The following ZHX2 variants were observed in gnomAD, a reference collection of about 807,000 sequenced individuals.
ZHX2 encodes zinc fingers and homeoboxes protein 2.
ZHX2 carries 6 observed loss-of-function variants against 21.9 expected under a neutral mutation model. That is an observed-to-expected ratio of 0.27 (90% confidence interval 0.15 to 0.54). The LOEUF (loss-of-function observed/expected upper bound fraction) is 0.54. Among genes scored for constraint, ZHX2 ranks in the 20% least tolerant of loss-of-function variants. The probability of loss-of-function intolerance (pLI) is 0.95; values close to 1 mark genes in which losing one functional copy is unlikely to be tolerated. For missense variants in ZHX2, 908 were observed against 1,090.7 expected (o/e 0.83, Z 2.36); for synonymous variants, 434 against 437.1 (o/e 0.99, Z 0.09).
In ZHX2 at chr8:122,952,757, C is replaced by A. The variant is rs1563602715; in HGVS notation, c.1247C>A (p.Pro416His). 3.1e-6 allele frequency: 5 copies of A among 1,614,136 alleles called. No individual in the cohort carries two copies. Among genetic ancestry groups the A allele is most frequent in the East Asian group, 4.5e-5 (2 of 44,872 alleles). ...KRPLVTPQAA[P>H]EPKRPHIAQV... is the part of the protein sequence containing the mutation. ...CCCTTGGTGACTCCCCAAGCTGCCC[C>A]CGAACCCAAGCGTCCACACATCGCT... Residue 416 changes from proline (P) to histidine (H), a missense_variant, in exon 3 of 4, where the codon CCC (proline) becomes CAC (histidine). Around this residue, in one of 4 missense-constraint regions of ZHX2, gnomAD observed 232 missense variants for 361.8 expected, o/e 0.64. Coordinates refer to ENST00000314393, the MANE Select transcript of ZHX2 (RefSeq NM_014943.5). The surrounding 1 kb of genome is among the most constrained non-coding windows in gnomAD (Gnocchi z 6.9).
At chr8:122,908,455 C>T (rs770152897) in intron 2 of ZHX2, among the ~76,000 whole-genome samples, 3 of 152,132 alleles carry the variant, frequency 2.0e-5, no homozygotes, top group African/African-American at 7.2e-5. Context: ...GATGTTCCAC[C>T]CACCTCGGCC....
In ZHX2 at chr8:122,934,639, C is replaced by T. The variant is rs1157159351; in HGVS notation, c.-219-16653C>T. Among the ~76,000 whole-genome samples, 28 of 143,518 alleles carry T rather than the reference C, an allele frequency of 2.0e-4. 1 individual carries two copies. Among genetic ancestry groups the T allele is most frequent in the Non-Finnish European group, 3.6e-4 (23 of 64,064 alleles). The allele number at this position is 143,518 out of a possible 152,430, so 94.2% of individuals were successfully genotyped here. On this transcript the variant is annotated intron_variant, in intron 2 of 3. Transcript: ENST00000314393. ...CCTTCCTTCTTTCCTTCCTTCCTTCCTTCCTTCCTTCTTTATTACCTTCCT... is the reference window on the plus strand; with the variant it reads ...CCTTCCTTCTTTCCTTCCTTCCTTCTTTCCTTCCTTCTTTATTACCTTCCT...
chr8:122,957,624 T>C (rs1454235180), intron 3 of ZHX2, among the ~76,000 whole-genome samples: 4 of 152,132 alleles, frequency 2.6e-5, no homozygotes, highest in Non-Finnish European at 4.4e-5. Context: ...CGTGCCACCA[T>C]ACCCAGCTAA....
intron 2 of ZHX2, among the ~76,000 whole-genome samples, chr8:122,917,162 GTT>G (rs770985723): frequency 6.6e-6 from 1 of 152,128 alleles, no homozygotes; most frequent in African/African-American, 2.4e-5. Context: ...TGTGCAGGAG[GTT>G]TTGTCTCCAC....
intron 1 of ZHX2, among the ~76,000 whole-genome samples, chr8:122,831,302 T>C (rs1443560315): frequency 6.6e-6 from 1 of 152,062 alleles, no homozygotes; most frequent in Non-Finnish European, 1.5e-5. Context: ...GAGGGAGCCC[T>C]GGGATGACAC....
rs183833508 is a variant in ZHX2, at chr8:122,869,096, C to G, written c.-220+5557C>G. On this transcript the variant is annotated intron_variant, in intron 2 of 3. Coordinates refer to ENST00000314393, the MANE Select transcript of ZHX2 (RefSeq NM_014943.5). ...AACCTGGTGAGCTGGGCTGCACAAC[C>G]CTCCTCTTCTCTCTTGTCCTCTCCC... 2.2e-3 allele frequency among the ~76,000 whole-genome samples: 335 copies of G among 152,256 alleles called. 1 individual carries two copies. Among genetic ancestry groups the G allele is most frequent in the South Asian group, 6.2e-3 (30 of 4,814 alleles).
At chr8:122,799,334 A>G (rs1378707281) in intron 1 of ZHX2, among the ~76,000 whole-genome samples, 2 of 152,142 alleles carry the variant, frequency 1.3e-5, no homozygotes, top group Non-Finnish European at 1.5e-5. Flanking sequence ...CACATACAAG[A>G]TCAAATGCTA....
intron 1 of ZHX2, among the ~76,000 whole-genome samples, chr8:122,833,226 C>T (rs73331791): frequency 0.088 from 13,464 of 152,142 alleles, 642 homozygotes; most frequent in South Asian, 0.15. Context: ...CTGGACATAC[C>T]GGGAGTACAG....
At chr8:122,812,925 G>A (rs953022081) in intron 1 of ZHX2, among the ~76,000 whole-genome samples, 3 of 152,218 alleles carry the variant, frequency 2.0e-5, no homozygotes, top group Non-Finnish European at 2.9e-5. Context: ...GCCAGGCGCA[G>A]TGGCTCCCGC....
intron 1 of ZHX2, among the ~76,000 whole-genome samples, chr8:122,861,917 C>T (rs978907507): frequency 6.6e-6 from 1 of 152,180 alleles, no homozygotes; most frequent in Non-Finnish European, 1.5e-5. Flanking sequence ...CGCCTCCTCC[C>T]GCCGGATGGT....
At chr8:122,820,523 G>A (rs1053252417) in intron 1 of ZHX2, among the ~76,000 whole-genome samples, 1 of 152,202 alleles carries the variant, frequency 6.6e-6, no homozygotes, top group Non-Finnish European at 1.5e-5. Flanking sequence ...TAAAATTCAA[G>A]AGGACTGAAC....
intron 1 of ZHX2, among the ~76,000 whole-genome samples, chr8:122,804,967 C>T (rs1817794927): frequency 6.6e-6 from 1 of 152,214 alleles, no homozygotes; most frequent in African/African-American, 2.4e-5. Flanking sequence ...CAGCCCCAGC[C>T]ATCCCCCAGC....
chr8:122,792,292 G>A lies in ZHX2; in HGVS notation c.-283+10346G>A, dbSNP rs191775434. 4.4e-3 allele frequency among the ~76,000 whole-genome samples: 672 copies of A among 152,230 alleles called. 5 individuals are homozygous for A. Among genetic ancestry groups the A allele is most frequent in the African/African-American group, 0.012 (493 of 41,528 alleles). ...CTTCTTTCCCTTTTGAGGTTCATCCGCGTTGTAGCATGTATTAGTATTTTG... is the reference window on the plus strand; with the variant it reads ...CTTCTTTCCCTTTTGAGGTTCATCCACGTTGTAGCATGTATTAGTATTTTG... On this transcript the variant is annotated intron_variant, in intron 1 of 3. Transcript: ENST00000314393.
intron 1 of ZHX2, among the ~76,000 whole-genome samples, chr8:122,829,542 T>C (rs1038311730): frequency 1.3e-5 from 2 of 152,320 alleles, no homozygotes; most frequent in East Asian, 1.9e-4. Context: ...ATAAGAACAA[T>C]ATGAAAACTC....
chr8:122,936,361 T>TA (rs1276363457), intron 2 of ZHX2, among the ~76,000 whole-genome samples: 2 of 152,222 alleles, frequency 1.3e-5, no homozygotes, highest in African/African-American at 4.8e-5. Context: ...GTGAGTGGCT[T>TA]ACTTTTCTTG....
chr8:122,879,367 C>T (rs752276207), intron 2 of ZHX2, among the ~76,000 whole-genome samples: 1 of 152,030 alleles, frequency 6.6e-6, no homozygotes, highest in Non-Finnish European at 1.5e-5. Flanking sequence ...CCACCACGCC[C>T]AGCTAACTTT....
At chr8:122,822,844 G>A (rs1818183738) in intron 1 of ZHX2, among the ~76,000 whole-genome samples, 1 of 152,246 alleles carries the variant, frequency 6.6e-6, no homozygotes. Flanking sequence ...GACTGCTCCC[G>A]AGAGAGGCGT....
chr8:122,935,139 T>C (rs1299779904), intron 2 of ZHX2, among the ~76,000 whole-genome samples: 1 of 151,814 alleles, frequency 6.6e-6, no homozygotes, highest in Non-Finnish European at 1.5e-5. Context: ...CAGATGACTT[T>C]TTTTCCTCTC....
intron 2 of ZHX2, among the ~76,000 whole-genome samples, chr8:122,870,079 G>A (rs983045062): frequency 1.3e-5 from 2 of 152,216 alleles, no homozygotes; most frequent in African/African-American, 4.8e-5. Flanking sequence ...ATTAGACCCT[G>A]AAGGAGGGGA....
Sources: gnomAD v4.1 joint callset for allele counts (sites outside exome capture counted in the v4.1 genomes callset) on GRCh38, gnomAD v4.1.1 for gene constraint, gnomAD v4.1.1 regional missense constraint, Gnocchi (gnomAD v3.1) non-coding constraint, MANE v1.5 for transcripts, NCBI Gene and HGNC (gene_info 2026-07-23, HGNC 2026-07-21) for gene names.